The following ZNF44 variants were observed in gnomAD, a reference collection of about 807,000 sequenced individuals.
The protein encoded by ZNF44 is zinc finger protein 44.
A neutral mutation model predicts 11.7 loss-of-function variants in ZNF44; 9 were observed. The observed-to-expected ratio is 0.77, with a 90% CI of 0.46 to 1.35. ZNF44 has a LOEUF of 1.35. Ranked by LOEUF, ZNF44 falls within the 40% of genes most tolerant of loss-of-function variation. The probability of loss-of-function intolerance (pLI) is 0.00; values close to 1 mark genes in which losing one functional copy is unlikely to be tolerated. For missense variants in ZNF44, 696 were observed against 743.1 expected, an observed-to-expected ratio of 0.94 and a Z score of 0.74; for synonymous variants, 224 against 242.7, an observed-to-expected ratio of 0.92 and a Z score of 0.72.
chr19:12,250,013 A>C, exon 7 of ZNF44: 3 of 1,285,972 alleles, frequency 2.3e-6, no homozygotes, highest in Non-Finnish European at 3.0e-6. Flanking sequence ...ACTGCTCTTC[A>C]ATGTTCCATT....
downstream of ZNF44, among the ~76,000 whole-genome samples, chr19:12,269,041 G>A (rs2145715833): frequency 6.6e-6 from 1 of 151,976 alleles, no homozygotes; most frequent in East Asian, 2.0e-4. Context: ...ACCATGCCTG[G>A]GCCCCTGGCT....
chr19:12,289,606 T>C (rs1967914827), intron 1 of ZNF44, among the ~76,000 whole-genome samples: 2 of 151,846 alleles, frequency 1.3e-5, no homozygotes, highest in South Asian at 4.2e-4. Flanking sequence ...TTAGTGCTCT[T>C]CTCCCTTATG....
rs1425551477 is a variant in ZNF44 at position 12,257,794 on chromosome 19, G to A, written c.1913-7426C>T. 9.5e-5 allele frequency among the ~76,000 whole-genome samples: 11 copies of A among 115,258 alleles called. No individual in the cohort carries two copies. The East Asian group carries it at 1.3e-3, about 13-fold the overall frequency. 75.6% of individuals were successfully genotyped at this position (115,258 alleles called of 152,430 possible). On this transcript the variant is annotated intron_variant and NMD_transcript_variant, in intron 5 of 7. Coordinates refer to the ZNF44 transcript ENST00000393337. The stretch of plus-strand genomic sequence containing the variant: ...CCAGCCCCGGCAACAGCAAAACTCT[G>A]TCTCAAAAAAAAAAAAAAAAAAAAA...
At chr19:12,224,709 T>C (rs575423969), downstream of ZNF44, 5 of 152,252 alleles carry the variant, frequency 3.3e-5, no homozygotes, top group South Asian at 1.0e-3. Flanking sequence ...ACAGGTTTAT[T>C]ATAGAAAAGA....
chr19:12,228,660 A>G (rs1331494194), intron 3 of ZNF44, among the ~76,000 whole-genome samples: 1 of 152,170 alleles, frequency 6.6e-6, no homozygotes, highest in Non-Finnish European at 1.5e-5. Context: ...TTACTTTAGT[A>G]CAAAAATTTA....
intron 1 of ZNF44, among the ~76,000 whole-genome samples, chr19:12,236,726 A>G (rs1319203425): frequency 6.6e-6 from 1 of 152,172 alleles, no homozygotes; most frequent in African/African-American, 2.4e-5. Context: ...CTTTCACCAC[A>G]TACTTGCTTT....
chr19:12,228,354 T>TTTAA, intron 3 of ZNF44, among the ~76,000 whole-genome samples: 1 of 152,324 alleles, frequency 6.6e-6, no homozygotes, highest in East Asian at 1.9e-4. Context: ...AGTTTGGGAT[T>TTTAA]TTAATTATGT....
rs115701688 is a variant in ZNF44 at position 12,260,986 on chromosome 19, T to A, written c.1913-10618A>T. Among the ~76,000 whole-genome samples, 136 of 152,292 alleles carry A rather than the reference T, an allele frequency of 8.9e-4. 1 individual carries two copies. Among genetic ancestry groups the A allele is most frequent in the African/African-American group, 3.0e-3 (124 of 41,566 alleles). On this transcript the variant is annotated intron_variant and NMD_transcript_variant, in intron 5 of 7. Transcript: ENST00000393337. Reference sequence around the variant, plus strand: ...AAGGGCGAGGCTGCAATGATGACACTGATGACAGTGGGTCTCACACACACT... The same window carrying A: ...AAGGGCGAGGCTGCAATGATGACACAGATGACAGTGGGTCTCACACACACT...
chr19:12,227,113 T>C (rs1350303095), intron 3 of ZNF44, among the ~76,000 whole-genome samples: 2 of 152,260 alleles, frequency 1.3e-5, no homozygotes, highest in Non-Finnish European at 2.9e-5. Context: ...GTTTAGTTCA[T>C]GCAGTTAATT....
downstream of ZNF44, chr19:12,247,597 T>A (rs1239845627): frequency 1.5e-6 from 2 of 1,333,758 alleles, no homozygotes; most frequent in Non-Finnish European, 2.0e-6. Context: ...TTCCCACATT[T>A]TTTACATTCA....
At chr19:12,249,958 C>G (rs1268546621) in intron 7 of ZNF44, 1 of 1,269,154 alleles carries the variant, frequency 7.9e-7, no homozygotes, top group East Asian at 5.6e-5. Flanking sequence ...ATACTGCTTT[C>G]TTTTCTGAGT....
At chr19:12,227,011 C>T (rs925307708) in intron 3 of ZNF44, among the ~76,000 whole-genome samples, 15 of 152,150 alleles carry the variant, frequency 9.9e-5, no homozygotes, top group South Asian at 2.1e-4. Flanking sequence ...TGCAGTGAGC[C>T]GAGATCATGC....
upstream of ZNF44, chr19:12,237,691 C>T (rs1294062971): frequency 6.6e-6 from 1 of 152,308 alleles, no homozygotes; most frequent in East Asian, 1.9e-4. Context: ...AAGCCCCACC[C>T]CCTAGGCCCG....
chr19:12,284,087 G>T (rs1472385818), intron 1 of ZNF44, among the ~76,000 whole-genome samples: 2 of 152,072 alleles, frequency 1.3e-5, no homozygotes, highest in East Asian at 3.8e-4. Flanking sequence ...ATGTAAAAAA[G>T]GATTCGTGTA....
chr19:12,275,891 C>T (rs1293913027), intron 2 of ZNF44, 65 bp downstream of exon 2: 7 of 1,499,784 alleles, frequency 4.7e-6, no homozygotes, highest in Non-Finnish European at 5.4e-6. Flanking sequence ...AATCACTGAA[C>T]AGCATTGATG....
At position 12,273,602 on chromosome 19, in the gene ZNF44, G is replaced by T; in HGVS notation, c.653C>A (p.Thr218Asn). The T allele has an allele frequency of 1.9e-6, 3 of 1,614,042 alleles. No individual in the cohort carries two copies. The highest frequency in any genetic ancestry group is 2.5e-6 in the Non-Finnish European group (3 of 1,180,002). ...TTCATATGGTTTCTCTCCAGTGTGAGTTCTTTCATGCATACGTAATAAACT... is the reference window on the plus strand; with the variant it reads ...TTCATATGGTTTCTCTCCAGTGTGATTTCTTTCATGCATACGTAATAAACT... ...WPSLLRMHERTHTGEKPYECK... is the reference protein window; with the variant it reads ...WPSLLRMHERNHTGEKPYECK... Residue 218 changes from threonine to asparagine, a missense_variant, in exon 4 of 4, where the codon ACT becomes AAT. Coordinates refer to ENST00000355684, the MANE Select transcript of ZNF44 (RefSeq NM_016264.4).
At chr19:12,294,382 G>A (rs986661266) in intron 1 of ZNF44, among the ~76,000 whole-genome samples, 1 of 152,238 alleles carries the variant, frequency 6.6e-6, no homozygotes, top group Admixed American at 6.5e-5. Flanking sequence ...GACTTGGGCT[G>A]CGAACCTGTA....
At position 12,273,981 on chromosome 19, in the gene ZNF44, C is replaced by T. The variant is rs770128026; in HGVS notation, c.274G>A (p.Val92Ile). ...ETLSQIRNSI[V>I]NKNTPARVDA... ...ACTCTGGCGGGAGTGTTCTTGTTTA[C>T]AATACTATTTCGAATCTGGCTTAAG... is the stretch of plus-strand genomic sequence containing the variant. Residue 92 changes from valine (V) to isoleucine (I), a missense_variant, in exon 4 of 4, where the codon GTA (valine) becomes ATA (isoleucine). By Grantham distance (29) the Val-to-Ile change is conservative. Coordinates refer to ENST00000355684, the MANE Select transcript of ZNF44 (RefSeq NM_016264.4). 5 of 1,613,990 alleles carry T rather than the reference C, an allele frequency of 3.1e-6. No individual in the cohort carries two copies. Among genetic ancestry groups the T allele is most frequent in the African/African-American group, 2.7e-5 (2 of 74,916 alleles).
intron 3 of ZNF44, among the ~76,000 whole-genome samples, chr19:12,229,761 C>T (rs980238917): frequency 3.3e-5 from 5 of 151,854 alleles, no homozygotes; most frequent in Non-Finnish European, 5.9e-5. Context: ...TACAGGTGCC[C>T]GCCAGCACAC....
Sources: allele counts gnomAD v4.1 joint callset (sites outside exome capture counted in the v4.1 genomes callset), GRCh38; gene constraint gnomAD v4.1.1; transcripts MANE v1.5; gene names NCBI Gene and HGNC (gene_info 2026-07-23, HGNC 2026-07-21).